Variants in TRIM44 observed in about 807,000 individuals in gnomAD.
TRIM44 encodes the protein tripartite motif-containing protein 44.
TRIM44 carries 13 observed loss-of-function variants against 37.4 expected under a neutral mutation model. That is an observed-to-expected ratio of 0.35 (90% CI 0.23 to 0.55). TRIM44 has a LOEUF of 0.55. Among genes scored for constraint, TRIM44 ranks in the 20% least tolerant of loss-of-function variants. The probability of loss-of-function intolerance (pLI) is 0.89; values close to 1 mark genes in which losing one functional copy is unlikely to be tolerated. For missense variants in TRIM44, 426 were observed against 437.2 expected (o/e 0.97, Z 0.23); for synonymous variants, 175 against 157.2 (o/e 1.11, Z -0.85).
intron 2 of TRIM44, among the ~76,000 whole-genome samples, chr11:35,691,200 G>A (rs551785602): frequency 3.3e-5 from 5 of 152,186 alleles, no homozygotes; most frequent in African/African-American, 4.8e-5. Flanking sequence ...AGTTTGACCC[G>A]ATTAGTGAAG....
chr11:35,695,832 C>CAAATTATT (rs1564956530), intron 2 of TRIM44, among the ~76,000 whole-genome samples: 1 of 151,208 alleles, frequency 6.6e-6, no homozygotes, highest in East Asian at 1.9e-4. Context: ...AGATCTCGTA[C>CAAATTATT]AACTTTGTAA....
In TRIM44 at chr11:35,774,624, C is replaced by T. The variant is rs557647239; in HGVS notation, c.1008-31734C>T. Among the ~76,000 whole-genome samples the T allele has an allele frequency of 5.0e-4, 76 of 152,186 alleles. 1 individual carries two copies. Among genetic ancestry groups the T allele is most frequent in the Non-Finnish European group, 8.2e-4 (56 of 67,998 alleles). On this transcript the variant is annotated intron_variant, in intron 4 of 4. Coordinates refer to ENST00000299413, the MANE Select transcript of TRIM44 (RefSeq NM_017583.6). ...AGGTCTAACATGTAAGTCTTTAATC[C>T]ATCTTGAATTAATTTTTGTATAAGG...
chr11:35,789,843 A>T (rs1291207899), intron 4 of TRIM44, among the ~76,000 whole-genome samples: 1 of 152,230 alleles, frequency 6.6e-6, no homozygotes, highest in African/African-American at 2.4e-5. Context: ...AATACATCTT[A>T]TGACACTTGA....
chr11:35,744,586 G>T (rs1460220326), intron 4 of TRIM44, among the ~76,000 whole-genome samples: 1 of 151,830 alleles, frequency 6.6e-6, no homozygotes, highest in Non-Finnish European at 1.5e-5. Context: ...TTAAGTTCAG[G>T]GGTACATGTG....
chr11:35,748,937 A>G (rs754629184), intron 4 of TRIM44, among the ~76,000 whole-genome samples: 5 of 152,160 alleles, frequency 3.3e-5, no homozygotes, highest in Non-Finnish European at 4.4e-5. Flanking sequence ...CATCTAAATG[A>G]TCTGTTAGAA....
Position 35,663,431 on chromosome 11 carries a change from CAG to C in TRIM44, c.323_324del (p.Glu108GlyfsTer10). ...AGTGAGTCGGAGGAAGAGAGCGAGT[CAG>C]AGGAAGAGAGCGAGACAGAGGAAGA... is the stretch of plus-strand genomic sequence containing the variant. On this transcript the variant is annotated frameshift_variant, in exon 1 of 5. Transcript: ENST00000299413. LOFTEE classifies it high-confidence loss of function. 1 of 1,567,520 alleles carries C rather than the reference CAG, an allele frequency of 6.4e-7. No homozygotes were observed. Among genetic ancestry groups the C allele is most frequent in the East Asian group, 2.4e-5 (1 of 42,346 alleles).
intron 4 of TRIM44, among the ~76,000 whole-genome samples, chr11:35,754,027 A>AACTGAGACCCAGTGAGACC (rs1852591209): frequency 6.6e-6 from 1 of 152,096 alleles, no homozygotes; most frequent in African/African-American, 2.4e-5. Context: ...GTGGGTGACC[A>AACTGAGACCCAGTGAGACC]AGTGAGACTG....
intron 2 of TRIM44, among the ~76,000 whole-genome samples, chr11:35,695,357 A>T (rs1478740678): frequency 6.6e-6 from 1 of 152,196 alleles, no homozygotes; most frequent in Admixed American, 6.5e-5. Context: ...AATTTGACTT[A>T]GACCTTAGAG....
chr11:35,665,644 G>A (rs1469417438), intron 1 of TRIM44, among the ~76,000 whole-genome samples: 1 of 142,176 alleles, frequency 7.0e-6, no homozygotes, highest in Non-Finnish European at 1.5e-5. Flanking sequence ...GCCCAGGCTG[G>A]AGTACAGTGG....
In TRIM44 at chr11:35,815,343, C is replaced by G. The variant is rs1853570117; in HGVS notation, c.*8958C>G. 6.6e-6 allele frequency: 1 copy of G among 152,074 alleles called. No individual in the cohort carries two copies. Among genetic ancestry groups the G allele is most frequent in the African/African-American group, 2.4e-5 (1 of 41,398 alleles). 9.4% of individuals were successfully genotyped at this position (152,074 alleles called of 1,614,324 possible). Reference sequence around the variant, plus strand: ...TTTAGACCCAGTTGGATGGCTGTATCCTAGTATGAAATTCAGCTTCTAAGT... The same window carrying G: ...TTTAGACCCAGTTGGATGGCTGTATGCTAGTATGAAATTCAGCTTCTAAGT... On this transcript the variant is annotated 3_prime_UTR_variant, in exon 5 of 5. Transcript: ENST00000299413.
Position 35,810,620 on chromosome 11 carries a change from C to T in TRIM44, c.*4235C>T, listed in dbSNP as rs1001539318. The T allele has an allele frequency of 5.9e-5, 9 of 152,080 alleles. 1 individual carries two copies. Among genetic ancestry groups the T allele is most frequent in the African/African-American group, 2.2e-4 (9 of 41,468 alleles). 9.4% of individuals were successfully genotyped at this position (152,080 alleles called of 1,614,324 possible). On this transcript the variant is annotated 3_prime_UTR_variant, in exon 5 of 5. Coordinates refer to ENST00000299413, the MANE Select transcript of TRIM44 (RefSeq NM_017583.6). Reference sequence around the variant, plus strand: ...ATACCAGAAACAGCAGAACGAGGGCCAGAGCAGAAAAATGAAAATAAGTGG... The same window carrying T: ...ATACCAGAAACAGCAGAACGAGGGCTAGAGCAGAAAAATGAAAATAAGTGG...
chr11:35,795,419 TGGA>T (rs1453589333), intron 4 of TRIM44, among the ~76,000 whole-genome samples: 1 of 151,804 alleles, frequency 6.6e-6, no homozygotes, highest in Non-Finnish European at 1.5e-5. Flanking sequence ...GTGGCAGCAG[TGGA>T]GAAGATGAAT....
At chr11:35,761,879 C>T (rs987331875) in intron 4 of TRIM44, among the ~76,000 whole-genome samples, 10 of 152,214 alleles carry the variant, frequency 6.6e-5, no homozygotes, top group African/African-American at 2.2e-4. Context: ...CCTGTTTGCT[C>T]TTTGAGCCTT....
intron 4 of TRIM44, among the ~76,000 whole-genome samples, chr11:35,747,909 A>G (rs1852510571): frequency 6.7e-6 from 1 of 149,462 alleles, no homozygotes; most frequent in Non-Finnish European, 1.5e-5. Context: ...AAATGGGGGG[A>G]TAATTGTTGC....
At chr11:35,672,588 G>C (rs1011736228) in intron 1 of TRIM44, among the ~76,000 whole-genome samples, 2 of 152,204 alleles carry the variant, frequency 1.3e-5, no homozygotes, top group African/African-American at 4.8e-5. Flanking sequence ...AGAATGTTTG[G>C]TTAAGTGATA....
intron 2 of TRIM44, among the ~76,000 whole-genome samples, chr11:35,707,086 T>G (rs915979450): frequency 6.6e-6 from 1 of 152,214 alleles, no homozygotes; most frequent in African/African-American, 2.4e-5. Context: ...AAAATCAATG[T>G]ACAAAAATCA....
chr11:35,664,828 C>T (rs1851313884), intron 1 of TRIM44, among the ~76,000 whole-genome samples: 1 of 152,208 alleles, frequency 6.6e-6, no homozygotes, highest in Middle Eastern at 3.2e-3. Context: ...GAAGCCTTTT[C>T]CCCATACCTT....
intron 2 of TRIM44, among the ~76,000 whole-genome samples, chr11:35,711,812 C>T (rs576541235): frequency 3.3e-5 from 5 of 152,094 alleles, no homozygotes; most frequent in Admixed American, 6.6e-5. Flanking sequence ...GCCTCCAGTC[C>T]GGAGAATAAC....
At chr11:35,732,822 C>A (rs2135519427) in intron 3 of TRIM44, among the ~76,000 whole-genome samples, 1 of 152,232 alleles carries the variant, frequency 6.6e-6, no homozygotes, top group East Asian at 1.9e-4. Context: ...GTTAGCAATC[C>A]TCTCCGTGCC....
Sources: allele counts gnomAD v4.1 joint callset (sites outside exome capture counted in the v4.1 genomes callset), GRCh38; gene constraint gnomAD v4.1.1; transcripts MANE v1.5; gene names NCBI Gene and HGNC (gene_info 2026-07-23, HGNC 2026-07-21).